The following CSNK1G1 variants were observed in gnomAD, a reference collection of about 807,000 sequenced individuals.
CSNK1G1 encodes casein kinase 1 gamma 1, also known as casein kinase I isoform gamma-1.
Under a neutral mutation model 59.6 loss-of-function variants are expected in CSNK1G1, and 22 were observed. The ratio of observed to expected loss-of-function variants is 0.37; its 90% CI spans 0.26 to 0.53. The LOEUF is 0.53. Among genes scored for constraint, CSNK1G1 ranks in the 20% least tolerant of loss-of-function variants. The pLI is 0.89. For synonymous variants in CSNK1G1, 179 were observed against 177.1 expected (o/e 1.01, Z -0.08); for missense variants, 384 against 519.5 (o/e 0.74, Z 2.54).
chr15:64,180,550 T>C (rs1283700102), intron 10 of CSNK1G1, 96 bp from the exon 11 acceptor site: 12 of 956,242 alleles, frequency 1.3e-5, no homozygotes, highest in Admixed American at 1.1e-4. Flanking sequence ...GTGTCTGGAA[T>C]GTTTGTTTTC....
At chr15:64,318,597 A>T (rs1370241693) in intron 1 of CSNK1G1, among the ~76,000 whole-genome samples, 1 of 146,470 alleles carries the variant, frequency 6.8e-6, no homozygotes, top group African/African-American at 2.5e-5. Context: ...CCCAGGCTGG[A>T]GTGTGGTGGC....
At chr15:64,354,351 C>T (rs1404568273) in intron 1 of CSNK1G1, among the ~76,000 whole-genome samples, 5 of 152,058 alleles carry the variant, frequency 3.3e-5, no homozygotes, top group African/African-American at 1.2e-4. Context: ...CTATTTTACA[C>T]CCCAATTTTA....
intron 1 of CSNK1G1, among the ~76,000 whole-genome samples, chr15:64,321,551 A>C (rs1387071095): frequency 6.6e-6 from 1 of 152,210 alleles, no homozygotes; most frequent in African/African-American, 2.4e-5. Flanking sequence ...GGCACCAGCC[A>C]TCGCACCCAG....
chr15:64,334,066 A>C (rs1269769964), intron 1 of CSNK1G1, among the ~76,000 whole-genome samples: 2 of 152,232 alleles, frequency 1.3e-5, no homozygotes, highest in African/African-American at 4.8e-5. Flanking sequence ...ACTTGAGAAC[A>C]AATGGACCTA....
chr15:64,355,090 A>G (rs889234690), intron 1 of CSNK1G1, among the ~76,000 whole-genome samples: 2 of 152,206 alleles, frequency 1.3e-5, no homozygotes, highest in Non-Finnish European at 1.5e-5. Flanking sequence ...GCAGGTAAGA[A>G]AGAGGCTGCA....
At position 64,176,483 on chromosome 15, in the gene CSNK1G1, G is replaced by A. The variant is rs1429538360; in HGVS notation, c.1214+3865C>T. On this transcript the variant is annotated intron_variant, in intron 11 of 11. Coordinates refer to ENST00000303052, the MANE Select transcript of CSNK1G1 (RefSeq NM_022048.5). This position sits in a 1 kb window ranked among gnomAD's most constrained non-coding sequence, Gnocchi z 5.2. Reference sequence around the variant, plus strand: ...GTCCCCACGTTAAAGTGGAGGGTTCGGACAGGAGCCTGACAGAAGCATCAA... The same window carrying A: ...GTCCCCACGTTAAAGTGGAGGGTTCAGACAGGAGCCTGACAGAAGCATCAA... Among the ~76,000 whole-genome samples the A allele has an allele frequency of 2.6e-5, 4 of 152,170 alleles. No homozygotes were observed. The highest frequency in any genetic ancestry group is 4.4e-5 in the Non-Finnish European group (3 of 68,026).
chr15:64,168,546 T>A lies in CSNK1G1; in HGVS notation c.*3385A>T, dbSNP rs2081628802. The A allele has an allele frequency of 6.6e-6, 1 of 152,194 alleles. No homozygotes were observed. Among genetic ancestry groups the A allele is most frequent in the South Asian group, 2.1e-4 (1 of 4,832 alleles). 9.4% of individuals were successfully genotyped at this position (152,194 alleles called of 1,614,324 possible). On this transcript the variant is annotated 3_prime_UTR_variant, in exon 12 of 12. Transcript: ENST00000303052. The stretch of plus-strand genomic sequence containing the variant: ...GCTTGGGAAAACTCCTAATGTATAC[T>A]ATTAAGGGTTTTTATGAATAGATGC...
chr15:64,229,018 C>CAGAAAA (rs2082502466), intron 4 of CSNK1G1, among the ~76,000 whole-genome samples: 1 of 65,924 alleles, frequency 1.5e-5, no homozygotes, highest in Non-Finnish European at 3.3e-5. Context: ...GACTCTGTCT[C>CAGAAAA]AAAAAAAAAA....
At chr15:64,264,508 T>A (rs541448226) in intron 2 of CSNK1G1, among the ~76,000 whole-genome samples, 1 of 152,324 alleles carries the variant, frequency 6.6e-6, no homozygotes, top group African/African-American at 2.4e-5. Flanking sequence ...AGGGGAATAA[T>A]ACTTCTAAAC....
Position 64,214,168 on chromosome 15 carries a change from C to G in CSNK1G1, c.445-44G>C. On this transcript the variant is annotated intron_variant, in intron 5 of 11. Coordinates refer to ENST00000303052, the MANE Select transcript of CSNK1G1 (RefSeq NM_022048.5). The surrounding 1 kb of genome is among the most constrained non-coding windows in gnomAD (Gnocchi z 4.3). ...ATAGAAAGACTGTAAAGAAGTATATCAGGAAAATACATCAAAACAGTTTCT... is the reference window on the plus strand; with the variant it reads ...ATAGAAAGACTGTAAAGAAGTATATGAGGAAAATACATCAAAACAGTTTCT... 2.2e-6 allele frequency: 3 copies of G among 1,337,200 alleles called. No individual in the cohort carries two copies. Among genetic ancestry groups the G allele is most frequent in the Non-Finnish European group, 3.2e-6 (3 of 930,236 alleles). The allele number at this position is 1,337,200 out of a possible 1,614,324, so 82.8% of individuals were successfully genotyped here.
At chr15:64,247,298 A>G (rs1891811092) in intron 4 of CSNK1G1, among the ~76,000 whole-genome samples, 1 of 152,254 alleles carries the variant, frequency 6.6e-6, no homozygotes, top group Admixed American at 6.5e-5. Context: ...TACAATTAAC[A>G]TAACATTGAT....
At chr15:64,315,886 A>G (rs1367755212) in intron 1 of CSNK1G1, 1 of 152,238 alleles carries the variant, frequency 6.6e-6, no homozygotes, top group Non-Finnish European at 1.5e-5. Flanking sequence ...CCTCACTTGA[A>G]TACTATATTT....
intron 2 of CSNK1G1, among the ~76,000 whole-genome samples, chr15:64,292,909 A>T (rs563534229): frequency 6.6e-6 from 1 of 152,256 alleles, no homozygotes; most frequent in African/African-American, 2.4e-5. Flanking sequence ...GCCTGGTGAT[A>T]GAGCGAGACT....
chr15:64,192,840 T>TA (rs66643774), intron 10 of CSNK1G1, among the ~76,000 whole-genome samples: 1,326 of 32,256 alleles, frequency 0.041, 144 homozygotes, highest in Middle Eastern at 0.056. Context: ...GAGATCTGCC[T>TA]AAAAAAAAAA....
chr15:64,292,295 T>A (rs1894787893), intron 2 of CSNK1G1, among the ~76,000 whole-genome samples: 1 of 151,950 alleles, frequency 6.6e-6, no homozygotes, highest in African/African-American at 2.4e-5. Context: ...GCAGAGCCTG[T>A]CATATAAATC....
intron 2 of CSNK1G1, among the ~76,000 whole-genome samples, chr15:64,268,830 A>G (rs1309505647): frequency 6.6e-6 from 1 of 152,164 alleles, no homozygotes; most frequent in East Asian, 1.9e-4. Flanking sequence ...CTGAACTGGG[A>G]TAAGTGGGTT....
In CSNK1G1 at chr15:64,194,109, G is replaced by A. The variant is rs756420472; in HGVS notation, c.1107+8973C>T. The A allele has an allele frequency of 3.3e-5, 5 of 152,232 alleles. No homozygotes were observed. The East Asian group carries it at 7.7e-4, about 23-fold the overall frequency. 9.4% of individuals were successfully genotyped at this position (152,232 alleles called of 1,614,324 possible). A position where few individuals can be genotyped will look rare whatever the true frequency, so the allele number is the denominator to read the frequency against. On this transcript the variant is annotated intron_variant, in intron 10 of 11. Transcript: ENST00000303052. ...GTCCCAGAAATGAGGAGGGGCAGACGTCTCCTGCACTGAGCTCTATGTGGA... is the reference window on the plus strand; with the variant it reads ...GTCCCAGAAATGAGGAGGGGCAGACATCTCCTGCACTGAGCTCTATGTGGA...
intron 1 of CSNK1G1, among the ~76,000 whole-genome samples, chr15:64,332,844 T>C (rs1340188566): frequency 6.6e-6 from 1 of 152,160 alleles, no homozygotes; most frequent in Non-Finnish European, 1.5e-5. Context: ...AAAGAATTTT[T>C]AGCCCACAAG....
intron 1 of CSNK1G1, among the ~76,000 whole-genome samples, chr15:64,351,107 T>C (rs575639885): frequency 2.6e-5 from 4 of 152,334 alleles, no homozygotes; most frequent in African/African-American, 9.6e-5. Flanking sequence ...CCTTTTTTTA[T>C]ATAATGATTA....
Sources: allele counts gnomAD v4.1 joint callset (sites outside exome capture counted in the v4.1 genomes callset), GRCh38; gene constraint gnomAD v4.1.1; non-coding constraint Gnocchi (gnomAD v3.1); transcripts MANE v1.5; gene names NCBI Gene and HGNC (gene_info 2026-07-23, HGNC 2026-07-21).